TRDN: variants seen among roughly 807,000 people sequenced by gnomAD.
TRDN encodes triadin.
TRDN carries 161 observed loss-of-function variants against 149.7 expected under a neutral mutation model. That is an observed-to-expected ratio of 1.08 (90% CI 0.95 to 1.23). The LOEUF is 1.23. Among genes scored for constraint, TRDN ranks in the 50% most tolerant of loss-of-function variants. The pLI is 0.00. For missense variants in TRDN, 896 were observed against 823.5 expected, an observed-to-expected ratio of 1.09 and a Z score of -1.08; for synonymous variants, 294 against 250.5, an observed-to-expected ratio of 1.17 and a Z score of -1.64.
At chr6:123,595,911 A>G (rs971985569) in intron 1 of TRDN, among the ~76,000 whole-genome samples, 1 of 152,058 alleles carries the variant, frequency 6.6e-6, no homozygotes, top group African/African-American at 2.4e-5. Flanking sequence ...CACAATCAAA[A>G]TTAGGCCAGT....
intron 1 of TRDN, among the ~76,000 whole-genome samples, chr6:123,601,417 G>A (rs184187170): frequency 4.9e-4 from 74 of 152,144 alleles, no homozygotes; most frequent in African/African-American, 1.8e-3. Context: ...ATTTAAGAAG[G>A]ACAAAGTTGC....
intron 38 of TRDN, among the ~76,000 whole-genome samples, chr6:123,236,243 G>A (rs1775783054): frequency 6.6e-6 from 1 of 152,074 alleles, no homozygotes; most frequent in Non-Finnish European, 1.5e-5. Flanking sequence ...GGCTTAGCTT[G>A]CAATTCTCTA....
At chr6:123,564,972 C>T (rs1782204575) in intron 2 of TRDN, among the ~76,000 whole-genome samples, 1 of 152,038 alleles carries the variant, frequency 6.6e-6, no homozygotes, top group African/African-American at 2.4e-5. Context: ...AAAGAGTTAC[C>T]ACATTCTATT....
At chr6:123,598,479 T>C (rs1400956308) in intron 1 of TRDN, among the ~76,000 whole-genome samples, 1 of 152,064 alleles carries the variant, frequency 6.6e-6, no homozygotes, top group Non-Finnish European at 1.5e-5. Flanking sequence ...TCCCTTCTAG[T>C]TGTATACTCC....
chr6:123,625,627 A>T (rs926484172), intron 1 of TRDN, among the ~76,000 whole-genome samples: 3 of 152,194 alleles, frequency 2.0e-5, no homozygotes, highest in African/African-American at 7.2e-5. Context: ...CAAAGAAAGG[A>T]TAAATGCTTG....
chr6:123,479,336 T>G (rs1165012595), intron 9 of TRDN, among the ~76,000 whole-genome samples: 1 of 152,178 alleles, frequency 6.6e-6, no homozygotes, highest in Non-Finnish European at 1.5e-5. Context: ...TTTTCCATGA[T>G]TAGTGGGAAA....
intron 23 of TRDN, among the ~76,000 whole-genome samples, chr6:123,326,894 T>C (rs934000416): frequency 6.6e-6 from 1 of 152,108 alleles, no homozygotes; most frequent in Non-Finnish European, 1.5e-5. Context: ...TTTTTCTTTG[T>C]TCATTATATG....
intron 10 of TRDN, among the ~76,000 whole-genome samples, chr6:123,442,562 G>A (rs9388239): frequency 0.025 from 3,026 of 119,584 alleles, 83 homozygotes; most frequent in African/African-American, 0.068. Flanking sequence ...AAAAAAAAAA[G>A]AAAAAAAAAA....
chr6:123,601,605 A>G (rs1378894378), intron 1 of TRDN, among the ~76,000 whole-genome samples: 1 of 152,102 alleles, frequency 6.6e-6, no homozygotes, highest in East Asian at 1.9e-4. Context: ...CAGGGCTGCT[A>G]CACCAGAGCT....
At chr6:123,479,616 A>G (rs932892041) in intron 9 of TRDN, among the ~76,000 whole-genome samples, 3 of 152,156 alleles carry the variant, frequency 2.0e-5, no homozygotes, top group Non-Finnish European at 4.4e-5. Flanking sequence ...CTGACTTACA[A>G]CTAGGACCCA....
intron 38 of TRDN, among the ~76,000 whole-genome samples, chr6:123,227,273 A>G (rs1775411600): frequency 1.3e-5 from 2 of 151,914 alleles, no homozygotes; most frequent in African/African-American, 4.8e-5. Flanking sequence ...AAATACAAAA[A>G]AAGGCTTTGC....
At chr6:123,427,563 T>C (rs1256899101) in intron 12 of TRDN, among the ~76,000 whole-genome samples, 1 of 152,066 alleles carries the variant, frequency 6.6e-6, no homozygotes, top group Non-Finnish European at 1.5e-5. Context: ...CTTAAAAGAT[T>C]CCCCATATAA....
intron 21 of TRDN, among the ~76,000 whole-genome samples, chr6:123,347,399 G>A (rs1464810170): frequency 6.6e-6 from 1 of 151,510 alleles, no homozygotes; most frequent in African/African-American, 2.4e-5. Context: ...GTGTATCAAG[G>A]GCATACTTTC....
At chr6:123,405,474 A>G (rs1773156987) in intron 12 of TRDN, among the ~76,000 whole-genome samples, 1 of 152,228 alleles carries the variant, frequency 6.6e-6, no homozygotes, top group South Asian at 2.1e-4. Flanking sequence ...TTTTAAAATT[A>G]AAGAGTTTGG....
At chr6:123,632,570 A>G (rs1012138467) in intron 1 of TRDN, among the ~76,000 whole-genome samples, 1 of 152,082 alleles carries the variant, frequency 6.6e-6, no homozygotes, top group Non-Finnish European at 1.5e-5. Flanking sequence ...CTAGCTTTCT[A>G]ATGTCAGTTT....
chr6:123,629,309 T>C (rs1421748533), intron 1 of TRDN, among the ~76,000 whole-genome samples: 1 of 152,152 alleles, frequency 6.6e-6, no homozygotes, highest in Non-Finnish European at 1.5e-5. Context: ...ATCCACGAGC[T>C]CACTAATGCC....
rs1010595921 is a variant in TRDN at position 123,304,634 on chromosome 6, GTTAACTTATTTAGTT to G, written c.1510+11808_1510+11822del. 5.9e-5 allele frequency among the ~76,000 whole-genome samples: 9 copies of G among 152,056 alleles called. No homozygotes were observed. The East Asian group carries it at 1.2e-3, about 20-fold the overall frequency. On this transcript the variant is annotated intron_variant, in intron 24 of 40. Transcript: ENST00000334268. ...TTTATAAACATGTTTTTTCTCTTGT[GTTAACTTATTTAGTT>G]TATTTGAAGATTGTCTGACAAAAAA...
chr6:123,415,269 C>G (rs1479776312), intron 12 of TRDN, among the ~76,000 whole-genome samples: 2 of 152,162 alleles, frequency 1.3e-5, no homozygotes, highest in African/African-American at 4.8e-5. Context: ...TTTAGCTTAT[C>G]AAATGCTACA....
chr6:123,551,915 A>G (rs2114454025), intron 2 of TRDN, among the ~76,000 whole-genome samples: 1 of 152,250 alleles, frequency 6.6e-6, no homozygotes, highest in East Asian at 1.9e-4. Context: ...CTTAAAAGGA[A>G]GAACAAAGAC....
Sources: allele counts gnomAD v4.1 joint callset (sites outside exome capture counted in the v4.1 genomes callset), GRCh38; gene constraint gnomAD v4.1.1; transcripts MANE v1.5; gene names NCBI Gene and HGNC (gene_info 2026-07-23, HGNC 2026-07-21).